FAM20C: variants seen among roughly 807,000 people sequenced by gnomAD.
The protein encoded by FAM20C is extracellular serine/threonine protein kinase FAM20C.
A neutral mutation model predicts 51.5 loss-of-function variants in FAM20C; 40 were observed. The observed-to-expected ratio is 0.78, with a 90% CI of 0.60 to 1.01. The LOEUF (loss-of-function observed/expected upper bound fraction) is 1.01. Ranked by LOEUF, FAM20C falls within the 50% of genes least tolerant of loss-of-function variation. The pLI is 0.00. For synonymous variants in FAM20C, 406 were observed against 380.6 expected, an observed-to-expected ratio of 1.07 and a Z score of -0.78; for missense variants, 861 against 844.7, an observed-to-expected ratio of 1.02 and a Z score of -0.24.
chr7:247,302 C>T (rs1468673464), intron 4 of FAM20C, among the ~76,000 whole-genome samples: 1 of 152,154 alleles, frequency 6.6e-6, no homozygotes, highest in Non-Finnish European at 1.5e-5. Context: ...GGGCCTGGCC[C>T]AGGTCCAGAG....
intron 2 of FAM20C, among the ~76,000 whole-genome samples, chr7:203,966 G>C (rs530890196): frequency 6.6e-6 from 1 of 152,158 alleles, no homozygotes; most frequent in Non-Finnish European, 1.5e-5. Context: ...TCGTCACTTC[G>C]TTATTATCTT....
chr7:213,470 G>A (rs952445601), intron 3 of FAM20C, among the ~76,000 whole-genome samples: 5 of 152,266 alleles, frequency 3.3e-5, no homozygotes, highest in African/African-American at 4.8e-5. Flanking sequence ...TGACTGACAC[G>A]TGGTTCCAAC....
chr7:210,378 G>C (rs1228824679), intron 3 of FAM20C, among the ~76,000 whole-genome samples: 4 of 152,180 alleles, frequency 2.6e-5, no homozygotes, highest in African/African-American at 9.7e-5. Context: ...CCTGGGTTAC[G>C]TGAAGGAGCT....
intron 3 of FAM20C, chr7:245,958 C>T (rs902830700): frequency 6.5e-6 from 1 of 153,984 alleles, no homozygotes; most frequent in Admixed American, 6.4e-5. Flanking sequence ...AGAGGGTGGG[C>T]GGTGCCAGGG....
In FAM20C at chr7:208,917, G is replaced by C. The variant is rs373718419; in HGVS notation, c.804G>C (p.Thr268=). 1 of 1,579,780 alleles carries C rather than the reference G, an allele frequency of 6.3e-7. No homozygotes were observed. Among genetic ancestry groups the C allele is most frequent in the South Asian group, 1.2e-5 (1 of 85,884 alleles). ...ITSVAMKSGG[T]QLKLIMTFQN... is the part of the protein sequence containing the mutation. ...CTGCAGCCATGAAGTCGGGGGGCAC[G>C]CAGCTGAAGCTCATCATGACCTTCC... is the stretch of plus-strand genomic sequence containing the variant. Residue 268 remains threonine, a synonymous_variant, in exon 3 of 10, where the codon ACG becomes ACC. Transcript: ENST00000313766.
chr7:249,997 A>G (rs1298398795), intron 5 of FAM20C, among the ~76,000 whole-genome samples: 3 of 152,208 alleles, frequency 2.0e-5, no homozygotes, highest in Non-Finnish European at 4.4e-5. Context: ...GAAACCCTGC[A>G]GAGCAAGGTC....
chr7:216,706 A>T lies in FAM20C; in HGVS notation c.863+7730A>T, dbSNP rs867917942. Among the ~76,000 whole-genome samples the T allele has an allele frequency of 8.1e-5, 12 of 148,300 alleles. 2 individuals carry two copies. The East Asian group carries it at 1.2e-3, about 15-fold the overall frequency. On this transcript the variant is annotated intron_variant, in intron 3 of 9. Transcript: ENST00000313766. ...GAGAGTGTGTGTGTGTGTGAGACAG[A>T]GTGTGTGTGTGTGTGTGTGTCCGTC...
intron 9 of FAM20C, among the ~76,000 whole-genome samples, 179 bp downstream of exon 9, chr7:258,884 C>T (rs1218160462): frequency 6.6e-6 from 1 of 152,128 alleles, no homozygotes; most frequent in Non-Finnish European, 1.5e-5. Context: ...GAGGCGCAGA[C>T]CTCACCCGCC....
At chr7:224,206 C>A (rs536413643) in intron 3 of FAM20C, among the ~76,000 whole-genome samples, 2 of 140,240 alleles carry the variant, frequency 1.4e-5, no homozygotes, top group African/African-American at 5.6e-5. Flanking sequence ...GGTCGCACGG[C>A]GGCTGTCCCC....
At chr7:258,756 C>T (rs1210090190) in intron 9 of FAM20C, 51 bp downstream of exon 9, 2 of 1,493,998 alleles carry the variant, frequency 1.3e-6, no homozygotes, top group African/African-American at 2.8e-5. Context: ...CCCTACTGCG[C>T]AGGAGACAGA....
At chr7:200,330 G>A (rs926297802) in intron 2 of FAM20C, among the ~76,000 whole-genome samples, 1 of 152,110 alleles carries the variant, frequency 6.6e-6, no homozygotes, top group African/African-American at 2.4e-5. Context: ...GACGCCCATG[G>A]CCCCAGGGCT....
chr7:209,777 C>G (rs117968412), intron 3 of FAM20C, among the ~76,000 whole-genome samples: 1 of 152,092 alleles, frequency 6.6e-6, no homozygotes, highest in Non-Finnish European at 1.5e-5. Flanking sequence ...TTTTTTTTTC[C>G]TGTTTTAATC....
At chr7:197,626 C>A (rs1785941472) in intron 2 of FAM20C, 2 of 153,344 alleles carry the variant, frequency 1.3e-5, no homozygotes, top group Admixed American at 1.3e-4. Flanking sequence ...TTGTGCGTGG[C>A]CTTCCACAAC....
chr7:198,366 G>A (rs1269114675), intron 2 of FAM20C, among the ~76,000 whole-genome samples: 1 of 152,272 alleles, frequency 6.6e-6, no homozygotes, highest in East Asian at 1.9e-4. Flanking sequence ...CACAGAGAAG[G>A]TTATAATCTG....
In FAM20C at chr7:193,427, C is replaced by T; in HGVS notation, c.228C>T (p.Ala76=). The change falls in exon 1 of 10, where the codon GCC becomes GCT. Residue 76 remains alanine, a synonymous_variant. Transcript: ENST00000313766. ...GGGAGCCCCCGGCCGCCTCCTCCGC[C>T]GCCGGCGACGCGGGCTGGCCCAACA... is the stretch of plus-strand genomic sequence containing the variant. ...RPGEPPAASS[A]AGDAGWPNKH... The T allele has an allele frequency of 7.0e-7, 1 of 1,420,056 alleles. No individual in the cohort carries two copies. Among genetic ancestry groups the T allele is most frequent in the Non-Finnish European group, 9.3e-7 (1 of 1,075,924 alleles). 88.0% of individuals were successfully genotyped at this position (1,420,056 alleles called of 1,614,324 possible). A position where few individuals can be genotyped will look rare whatever the true frequency, so the allele number is the denominator to read the frequency against.
chr7:247,382 G>A (rs1172453834), intron 4 of FAM20C, among the ~76,000 whole-genome samples: 2 of 152,158 alleles, frequency 1.3e-5, no homozygotes, highest in Admixed American at 1.3e-4. Flanking sequence ...AGCCCCCAGA[G>A]CCTCCCTGCC....
chr7:247,031 G>A lies in FAM20C; in HGVS notation c.956+524G>A, dbSNP rs868835577. Among the ~76,000 whole-genome samples, 6 of 152,212 alleles carry A rather than the reference G, an allele frequency of 3.9e-5. No individual in the cohort carries two copies. The South Asian group carries it at 1.0e-3, about 26-fold the overall frequency. On this transcript the variant is annotated intron_variant, in intron 4 of 9. Coordinates refer to ENST00000313766, the MANE Select transcript of FAM20C (RefSeq NM_020223.4). ...GAAAAGGAAAGAGGGAAGGAGGCAG[G>A]GAGGGAAGGGGGAGTATTAAGTGCT...
intron 3 of FAM20C, among the ~76,000 whole-genome samples, chr7:241,785 G>T (rs1787954607): frequency 6.6e-6 from 1 of 151,922 alleles, no homozygotes; most frequent in Non-Finnish European, 1.5e-5. Flanking sequence ...GAGCGAGTGT[G>T]TGTGCATGTG....
At chr7:219,868 A>T (rs1315988192) in intron 3 of FAM20C, among the ~76,000 whole-genome samples, 1 of 152,204 alleles carries the variant, frequency 6.6e-6, no homozygotes, top group Non-Finnish European at 1.5e-5. Flanking sequence ...ATAAAAATTC[A>T]TGTTTCTCTC....
Sources: allele counts gnomAD v4.1 joint callset (sites outside exome capture counted in the v4.1 genomes callset), GRCh38; gene constraint gnomAD v4.1.1; transcripts MANE v1.5; gene names NCBI Gene and HGNC (gene_info 2026-07-23, HGNC 2026-07-21).